CDC42SE2: variants seen among roughly 807,000 people sequenced by gnomAD.
CDC42SE2 encodes CDC42 small effector protein 2.
A neutral mutation model predicts 11.5 loss-of-function variants in CDC42SE2; 3 were observed. That is an observed-to-expected ratio of 0.26 (90% CI 0.12 to 0.67). The LOEUF (loss-of-function observed/expected upper bound fraction) is 0.67, where lower values mean the gene tolerates loss of function less well. CDC42SE2 is among the 30% of genes least tolerant of loss of function. CDC42SE2 has a pLI of 0.80. For missense variants in CDC42SE2, 82 were observed against 106.8 expected (o/e 0.77, Z 1.02); for synonymous variants, 33 against 34.8 (o/e 0.95, Z 0.18).
At chr5:131,344,899 A>G (rs531442197) in intron 2 of CDC42SE2, among the ~76,000 whole-genome samples, 125 of 152,288 alleles carry the variant, frequency 8.2e-4, no homozygotes, top group Admixed American at 3.0e-3. Context: ...TCTGGAGTGG[A>G]CCTCCAGCAA....
chr5:131,364,059 A>G (rs1580780482), intron 3 of CDC42SE2, among the ~76,000 whole-genome samples: 1 of 152,174 alleles, frequency 6.6e-6, no homozygotes, highest in Non-Finnish European at 1.5e-5. Context: ...ACACTCTGGT[A>G]TTTCTACAAT....
At chr5:131,344,826 A>G (rs1395773216) in intron 2 of CDC42SE2, among the ~76,000 whole-genome samples, 1 of 152,194 alleles carries the variant, frequency 6.6e-6, no homozygotes, top group African/African-American at 2.4e-5. Flanking sequence ...TCAGACAGCA[A>G]CATTTGCCAT....
chr5:131,325,291 CA>C (rs1226360057), intron 2 of CDC42SE2, among the ~76,000 whole-genome samples: 1 of 152,160 alleles, frequency 6.6e-6, no homozygotes, highest in Non-Finnish European at 1.5e-5. Flanking sequence ...AGTGTGTATG[CA>C]GTTGCTAGTT....
At chr5:131,352,701 G>GT (rs1435372914) in intron 2 of CDC42SE2, among the ~76,000 whole-genome samples, 12 of 152,136 alleles carry the variant, frequency 7.9e-5, no homozygotes, top group African/African-American at 2.9e-4. Context: ...TGTACCACAC[G>GT]TGAGTATCAA....
At chr5:131,285,573 A>G (rs1277113474) in intron 1 of CDC42SE2, among the ~76,000 whole-genome samples, 19 of 152,230 alleles carry the variant, frequency 1.2e-4, no homozygotes. Context: ...CAGGCAATGC[A>G]TATTTTAAGC....
At chr5:131,341,238 C>T (rs778299531) in intron 2 of CDC42SE2, among the ~76,000 whole-genome samples, 34 of 152,146 alleles carry the variant, frequency 2.2e-4, no homozygotes, top group Non-Finnish European at 4.0e-4. Context: ...AACCAAGTAA[C>T]ATCTCTGTGG....
intron 1 of CDC42SE2, among the ~76,000 whole-genome samples, chr5:131,269,018 G>C (rs537350464): frequency 6.6e-6 from 1 of 152,190 alleles, no homozygotes; most frequent in Admixed American, 6.5e-5. Flanking sequence ...CAAAGTGCTG[G>C]TATTACAAGC....
At chr5:131,329,389 T>G (rs1277232063) in intron 2 of CDC42SE2, among the ~76,000 whole-genome samples, 1 of 152,268 alleles carries the variant, frequency 6.6e-6, no homozygotes, top group Middle Eastern at 3.4e-3. Context: ...ACTTCTGTTT[T>G]TTTCTTCCCT....
At chr5:131,222,298 T>C in the CDC42SE2 span, among the ~76,000 whole-genome samples, 1 of 152,186 alleles carries the variant, frequency 6.6e-6, no homozygotes, top group East Asian at 1.9e-4. Context: ...CTCTAAGTCC[T>C]GAGATAGATT....
At chr5:131,334,854 C>T (rs573139121) in intron 2 of CDC42SE2, among the ~76,000 whole-genome samples, 1 of 152,254 alleles carries the variant, frequency 6.6e-6, no homozygotes, top group East Asian at 1.9e-4. Flanking sequence ...ATTCTTCTCT[C>T]TTTTCTTCTT....
intron 1 of CDC42SE2, among the ~76,000 whole-genome samples, chr5:131,294,710 G>A (rs1757531101): frequency 6.6e-6 from 1 of 152,212 alleles, no homozygotes; most frequent in Non-Finnish European, 1.5e-5. Context: ...GCCAGTACAT[G>A]GCCGGGCGTG....
At chr5:131,307,274 A>T (rs1286149888) in intron 1 of CDC42SE2, among the ~76,000 whole-genome samples, 10 of 127,990 alleles carry the variant, frequency 7.8e-5, no homozygotes, top group South Asian at 2.4e-4. Context: ...TGTCCATGTG[A>T]TCTCATTGTT....
chr5:131,249,186 T>G (rs906169242), intron 1 of CDC42SE2, among the ~76,000 whole-genome samples: 2 of 151,888 alleles, frequency 1.3e-5, no homozygotes, highest in African/African-American at 2.4e-5. Context: ...CCTGGCTGTT[T>G]TTTGTATTTT....
At chr5:131,364,575 A>T (rs193208710) in intron 3 of CDC42SE2, among the ~76,000 whole-genome samples, 1 of 152,322 alleles carries the variant, frequency 6.6e-6, no homozygotes, top group African/African-American at 2.4e-5. Flanking sequence ...GGAAGAACAT[A>T]CCTATTTTTT....
chr5:131,333,205 C>T (rs1758464749), intron 2 of CDC42SE2, among the ~76,000 whole-genome samples: 1 of 152,174 alleles, frequency 6.6e-6, no homozygotes, highest in African/African-American at 2.4e-5. Flanking sequence ...GTTTTGCCAG[C>T]ACCATTTATT....
At chr5:131,361,148 T>C (rs1749696974) in intron 3 of CDC42SE2, among the ~76,000 whole-genome samples, 1 of 151,810 alleles carries the variant, frequency 6.6e-6, no homozygotes, top group African/African-American at 2.4e-5. Context: ...AGTCTCATTC[T>C]GTTGCCCAGG....
At chr5:131,250,172 A>AG (rs374628283) in intron 1 of CDC42SE2, among the ~76,000 whole-genome samples, 122 of 152,350 alleles carry the variant, frequency 8.0e-4, no homozygotes, top group African/African-American at 2.9e-3. Context: ...ACCAGGTAAA[A>AG]GGACAATCAT....
chr5:131,351,259 CT>C (rs948092546), intron 2 of CDC42SE2, among the ~76,000 whole-genome samples: 22 of 147,420 alleles, frequency 1.5e-4, no homozygotes, highest in South Asian at 2.2e-4. Flanking sequence ...CCTGATTTTC[CT>C]TTTTTTTTTC....
At chr5:131,312,831 C>T (rs1232969525) in intron 1 of CDC42SE2, among the ~76,000 whole-genome samples, 2 of 152,172 alleles carry the variant, frequency 1.3e-5, no homozygotes, top group African/African-American at 4.8e-5. Context: ...CTGACCTGCG[C>T]CCACGATCTG....
Sources: allele counts gnomAD v4.1 joint callset (sites outside exome capture counted in the v4.1 genomes callset), GRCh38; gene constraint gnomAD v4.1.1; transcripts MANE v1.5; gene names NCBI Gene and HGNC (gene_info 2026-07-23, HGNC 2026-07-21).